DHX30: variants seen among roughly 807,000 people sequenced by gnomAD.
DHX30 encodes the protein ATP-dependent RNA helicase DHX30.
A neutral mutation model predicts 116.9 loss-of-function variants in DHX30; 4 were observed. The observed-to-expected ratio is 0.03, with a 90% confidence interval of 0.02 to 0.08. DHX30 has a LOEUF of 0.08. DHX30 is among the 10% of genes least tolerant of loss of function. DHX30 has a pLI of 1.00. For synonymous variants in DHX30, 697 were observed against 651.7 expected, an observed-to-expected ratio of 1.07 and a Z score of -1.06; for missense variants, 871 against 1,595.1, an observed-to-expected ratio of 0.55 and a Z score of 7.73.
At chr3:47,844,192 G>C (rs1425770300) in intron 9 of DHX30, among the ~76,000 whole-genome samples, 2 of 152,228 alleles carry the variant, frequency 1.3e-5, no homozygotes, top group Non-Finnish European at 2.9e-5. Context: ...CATGGGTACA[G>C]TTGGCTCTGG....
At chr3:47,824,002 T>C (rs1196732860) in intron 4 of DHX30, among the ~76,000 whole-genome samples, 1 of 143,358 alleles carries the variant, frequency 7.0e-6, no homozygotes, top group Non-Finnish European at 1.5e-5. Flanking sequence ...TTTCCTTTTT[T>C]TTTTTTTTTT....
In DHX30 at chr3:47,847,753, C is replaced by T; in HGVS notation, c.2111-28C>T. Reference sequence around the variant, plus strand: ...GGGGAATTCTGGTGGAAGCAGTGCCCATAACTGGTGTGTGTCTTGCCCACC... The same window carrying T: ...GGGGAATTCTGGTGGAAGCAGTGCCTATAACTGGTGTGTGTCTTGCCCACC... On this transcript the variant is annotated intron_variant, in intron 13 of 21. Coordinates refer to ENST00000445061, the MANE Select transcript of DHX30 (RefSeq NM_138615.3). This position sits in a 1 kb window ranked among gnomAD's most constrained non-coding sequence, Gnocchi z 5.5. 1.9e-6 allele frequency: 3 copies of T among 1,605,096 alleles called. No homozygotes were observed. The highest frequency in any genetic ancestry group is 2.7e-5 in the African/African-American group (2 of 74,902).
intron 6 of DHX30, among the ~76,000 whole-genome samples, chr3:47,834,293 G>C (rs1472398786): frequency 6.6e-6 from 1 of 151,914 alleles, no homozygotes; most frequent in African/African-American, 2.4e-5. Flanking sequence ...TTGTAGAGAT[G>C]GGGTTTCGCC....
At chr3:47,819,257 C>A (rs755612465) in intron 4 of DHX30, 2 of 1,367,732 alleles carry the variant, frequency 1.5e-6, no homozygotes, top group Non-Finnish European at 2.0e-6. Context: ...ACATTTCCAA[C>A]ATGGCAGGTG....
intron 6 of DHX30, among the ~76,000 whole-genome samples, 172 bp from the exon 7 acceptor site, chr3:47,840,705 G>A (rs543578646): frequency 9.7e-4 from 148 of 152,194 alleles, no homozygotes; most frequent in Non-Finnish European, 1.8e-3. Flanking sequence ...TTGCATCAAA[G>A]CTAGGCATCT....
intron 2 of DHX30, among the ~76,000 whole-genome samples, chr3:47,806,683 G>A (rs1176988344): frequency 6.6e-6 from 1 of 151,872 alleles, no homozygotes; most frequent in Admixed American, 6.6e-5. Context: ...CTGACTTTGT[G>A]ATCCACCTGC....
At chr3:47,804,708 T>A (rs77505143) in intron 1 of DHX30, among the ~76,000 whole-genome samples, 2,159 of 152,250 alleles carry the variant, frequency 0.014, 47 homozygotes, top group African/African-American at 0.042. Flanking sequence ...AATAAGAAAA[T>A]TAGCCTAGTA....
chr3:47,840,941 A>G lies in DHX30; in HGVS notation c.431A>G (p.Asp144Gly). Residue 144 changes from aspartate (D) to glycine (G), a missense_variant, in exon 7 of 22, where the codon GAT becomes GGT. Physicochemically the swap from Asp to Gly is moderately conservative, Grantham distance 94. Transcript: ENST00000445061. ...FDAAKYRVLA[D>G]RFGSPADSWW... Reference sequence around the variant, plus strand: ...GCAGCCAAATACCGAGTGCTAGCTGATCGCTTTGGCTCCCCTGCCGACAGC... The same window carrying G: ...GCAGCCAAATACCGAGTGCTAGCTGGTCGCTTTGGCTCCCCTGCCGACAGC... 6.2e-7 allele frequency: 1 copy of G among 1,614,168 alleles called. No individual in the cohort carries two copies. The highest frequency in any genetic ancestry group is 8.5e-7 in the Non-Finnish European group (1 of 1,180,044).
At chr3:47,849,151 G>A in intron 18 of DHX30, 41 bp from the exon 19 acceptor site, 1 of 1,613,326 alleles carries the variant, frequency 6.2e-7, no homozygotes, top group Non-Finnish European at 8.5e-7. Context: ...TCCAGCCTGT[G>A]GCTAGGGGCT....
At chr3:47,814,050 C>T (rs937795100) in intron 3 of DHX30, among the ~76,000 whole-genome samples, 2 of 151,310 alleles carry the variant, frequency 1.3e-5, no homozygotes, top group African/African-American at 2.4e-5. Context: ...TGTAAAAGGT[C>T]GATGAAAGCA....
At chr3:47,822,380 G>C (rs1559696251) in intron 4 of DHX30, 1 of 152,786 alleles carries the variant, frequency 6.5e-6, no homozygotes, top group Non-Finnish European at 1.5e-5. Context: ...AAGAAAAAAA[G>C]GTTTAATGGA....
chr3:47,823,274 G>T (rs1054063050), intron 4 of DHX30, among the ~76,000 whole-genome samples: 1 of 151,474 alleles, frequency 6.6e-6, no homozygotes, highest in Non-Finnish European at 1.5e-5. Context: ...TACAATTCAA[G>T]ATGAGATTTG....
chr3:47,837,328 G>C (rs1023365846), intron 6 of DHX30, among the ~76,000 whole-genome samples: 5 of 152,214 alleles, frequency 3.3e-5, no homozygotes, highest in Admixed American at 2.0e-4. Context: ...GGCTGCCAGG[G>C]CTTCTGACTA....
At chr3:47,844,435 T>C (rs1314058118) in intron 9 of DHX30, among the ~76,000 whole-genome samples, 1 of 152,214 alleles carries the variant, frequency 6.6e-6, no homozygotes, top group Non-Finnish European at 1.5e-5. Flanking sequence ...AGGAGCAAGC[T>C]TTGCAGTGGC....
At chr3:47,828,099 A>C (rs890987351) in intron 5 of DHX30, among the ~76,000 whole-genome samples, 6 of 151,916 alleles carry the variant, frequency 3.9e-5, no homozygotes, top group Admixed American at 3.3e-4. Context: ...GGTTCAAGGG[A>C]TCCTCCCTCC....
At chr3:47,832,321 G>A (rs888929593) in intron 6 of DHX30, among the ~76,000 whole-genome samples, 1 of 152,100 alleles carries the variant, frequency 6.6e-6, no homozygotes, top group African/African-American at 2.4e-5. Context: ...TCACTCTCAA[G>A]TACCTTTTCC....
Position 47,847,641 on chromosome 3 carries a change from C to A in DHX30, c.2110+105C>A. 1 of 1,455,426 alleles carries A rather than the reference C, an allele frequency of 6.9e-7. No individual in the cohort carries two copies. The highest frequency in any genetic ancestry group is 9.2e-7 in the Non-Finnish European group (1 of 1,084,940). The allele number at this position is 1,455,426 out of a possible 1,614,324, so 90.2% of individuals were successfully genotyped here. On this transcript the variant is annotated intron_variant, in intron 13 of 21. Transcript: ENST00000445061. This position sits in a 1 kb window ranked among gnomAD's most constrained non-coding sequence, Gnocchi z 5.5. ...CCAGGGGCCCCGGTTTCTGACCAAG[C>A]TGTGGCACTTTTCACTGGGCATAGT...
rs142466412 is a variant in DHX30, at chr3:47,843,245, A to G, written c.929A>G (p.Lys310Arg). 5.8e-4 allele frequency: 943 copies of G among 1,614,136 alleles called. 1 individual carries two copies. Among genetic ancestry groups the G allele is most frequent in the Non-Finnish European group, 7.4e-4 (870 of 1,180,048 alleles). Residue 310 changes from lysine (K) to arginine (R), a missense_variant, in exon 9 of 22, where the codon AAG becomes AGG. Physicochemically the swap from Lys to Arg is conservative, Grantham distance 26. Transcript: ENST00000445061. The stretch of plus-strand genomic sequence containing the variant: ...AATAAGGCGGCAGCCTTGGCCTGCA[A>G]GAAACTGAAGGTGAGTCCAGGAAGG... ...AENKAAALACKKLKSLGLVDR... is the reference protein window; with the variant it reads ...AENKAAALACRKLKSLGLVDR...
At chr3:47,833,555 A>AAG (rs1285372239) in intron 6 of DHX30, among the ~76,000 whole-genome samples, 2 of 150,156 alleles carry the variant, frequency 1.3e-5, no homozygotes, top group East Asian at 4.0e-4. Context: ...AAAAAAAAAA[A>AAG]AAAGAAAGAG....
Sources: allele counts gnomAD v4.1 joint callset (sites outside exome capture counted in the v4.1 genomes callset), GRCh38; gene constraint gnomAD v4.1.1; non-coding constraint Gnocchi (gnomAD v3.1); transcripts MANE v1.5; gene names NCBI Gene and HGNC (gene_info 2026-07-23, HGNC 2026-07-21).